Variants in ITFG1 observed in about 807,000 individuals in gnomAD.
The protein encoded by ITFG1 is integrin alpha FG-GAP repeat containing 1, also known as T-cell immunomodulatory protein.
ITFG1 carries 34 observed loss-of-function variants against 81.8 expected under a neutral mutation model. That is an observed-to-expected ratio of 0.42 (90% CI 0.32 to 0.55). ITFG1 has a LOEUF of 0.55. Ranked by LOEUF, ITFG1 falls within the 20% of genes least tolerant of loss-of-function variation. The probability of loss-of-function intolerance (pLI) is 0.17; values close to 1 mark genes in which losing one functional copy is unlikely to be tolerated. For synonymous variants in ITFG1, 285 were observed against 270.6 expected, an observed-to-expected ratio of 1.05 and a Z score of -0.52; for missense variants, 672 against 755.4, an observed-to-expected ratio of 0.89 and a Z score of 1.29.
At chr16:47,237,459 C>T (rs1330651799) in intron 13 of ITFG1, among the ~76,000 whole-genome samples, 1 of 152,204 alleles carries the variant, frequency 6.6e-6, no homozygotes, top group Admixed American at 6.5e-5. Flanking sequence ...ATTCTTATTA[C>T]AGTTTACATG....
rs188871742 is a variant in ITFG1, at chr16:47,309,884, G to T, written c.1070+1356C>A. Among the ~76,000 whole-genome samples, 636 of 152,280 alleles carry T rather than the reference G, an allele frequency of 4.2e-3. 4 individuals are homozygous for T. Among genetic ancestry groups the T allele is most frequent in the Non-Finnish European group, 7.3e-3 (497 of 68,028 alleles). ...ATATTCTAAGGATGAGTAATCACAG[G>T]ATTAAATGAATTTAAAATGTAATTT... On this transcript the variant is annotated intron_variant, in intron 10 of 17. Coordinates refer to ENST00000320640, the MANE Select transcript of ITFG1 (RefSeq NM_030790.5).
Position 47,169,647 on chromosome 16 carries a change from C to T in ITFG1, c.1454-6983G>A, listed in dbSNP as rs542402194. On this transcript the variant is annotated intron_variant, in intron 14 of 17. Transcript: ENST00000320640. ...TCACCTGCAAATAGAAATCATTTTG[C>T]ATGTTCCTAATTTAGAAGATTTTTA... 8.5e-5 allele frequency among the ~76,000 whole-genome samples: 13 copies of T among 152,200 alleles called. 1 individual carries two copies. Among genetic ancestry groups the T allele is most frequent in the African/African-American group, 2.9e-4 (12 of 41,538 alleles).
At chr16:47,311,587 GA>G (rs5816574) in intron 9 of ITFG1, among the ~76,000 whole-genome samples, 175 bp from the exon 10 acceptor site, 26 of 148,566 alleles carry the variant, frequency 1.8e-4, no homozygotes, top group Admixed American at 1.1e-3. Flanking sequence ...GACACTCTGG[GA>G]AAAAAAAAAG....
rs371595663 is a variant in ITFG1, at chr16:47,311,664, T to C, written c.898-252A>G. 3.3e-5 allele frequency among the ~76,000 whole-genome samples: 5 copies of C among 152,306 alleles called. No homozygotes were observed. In the East Asian group the frequency reaches 9.6e-4, roughly 29 times the overall value. On this transcript the variant is annotated intron_variant, in intron 9 of 17. Transcript: ENST00000320640. Reference sequence around the variant, plus strand: ...CTGGCACAGAAAGCCTTAGAAAGTTTTTCACAATACCACATGAATCTTAGG... The same window carrying C: ...CTGGCACAGAAAGCCTTAGAAAGTTCTTCACAATACCACATGAATCTTAGG...
At position 47,356,874 on chromosome 16, in the gene ITFG1, A is replaced by G. The variant is rs556604205; in HGVS notation, c.802+8914T>C. ...TAGGAGTGGCATTAGGCTCTTCATAATGAGCTCCTATGCCACTCTGACTCA... is the reference window on the plus strand; with the variant it reads ...TAGGAGTGGCATTAGGCTCTTCATAGTGAGCTCCTATGCCACTCTGACTCA... On this transcript the variant is annotated intron_variant, in intron 8 of 17. Coordinates refer to ENST00000320640, the MANE Select transcript of ITFG1 (RefSeq NM_030790.5). 2.6e-5 allele frequency among the ~76,000 whole-genome samples: 4 copies of G among 152,300 alleles called. No homozygotes were observed. In the East Asian group the frequency reaches 7.7e-4, roughly 29 times the overall value.
intron 5 of ITFG1, among the ~76,000 whole-genome samples, chr16:47,437,650 C>G (rs540515574): frequency 6.6e-6 from 1 of 152,194 alleles, no homozygotes; most frequent in Non-Finnish European, 1.5e-5. Flanking sequence ...AGCATACTCA[C>G]TGTCTCATTC....
intron 6 of ITFG1, among the ~76,000 whole-genome samples, chr16:47,389,035 C>T (rs188058491): frequency 6.6e-6 from 1 of 152,278 alleles, no homozygotes; most frequent in Non-Finnish European, 1.5e-5. Flanking sequence ...TTAGCTCCCA[C>T]CTTAAGATGT....
At chr16:47,176,364 ATTT>A (rs758913745) in intron 14 of ITFG1, among the ~76,000 whole-genome samples, 3 of 150,348 alleles carry the variant, frequency 2.0e-5, no homozygotes, top group Non-Finnish European at 4.4e-5. Flanking sequence ...ATAAAAGACA[ATTT>A]TTTTTTTGTG....
intron 8 of ITFG1, among the ~76,000 whole-genome samples, chr16:47,324,731 C>CA (rs762354795): frequency 2.6e-4 from 39 of 152,092 alleles, no homozygotes; most frequent in Non-Finnish European, 4.3e-4. Context: ...TCAAAAGAGA[C>CA]AAAGAAGGCC....
chr16:47,252,487 G>T (rs1028817059), intron 12 of ITFG1, among the ~76,000 whole-genome samples: 2 of 152,222 alleles, frequency 1.3e-5, no homozygotes, highest in Admixed American at 6.5e-5. Context: ...TTAGAAATGA[G>T]TTAAGTTCTA....
chr16:47,411,180 C>T (rs1237656262), intron 6 of ITFG1, among the ~76,000 whole-genome samples: 2 of 152,158 alleles, frequency 1.3e-5, no homozygotes, highest in South Asian at 2.1e-4. Context: ...GGAGGAGCTC[C>T]ACTCTCAGAA....
chr16:47,234,863 A>G (rs1965856421), intron 13 of ITFG1, among the ~76,000 whole-genome samples: 1 of 152,168 alleles, frequency 6.6e-6, no homozygotes, highest in Non-Finnish European at 1.5e-5. Context: ...GAATCACAGG[A>G]GCGGTTTCCC....
rs183686883 is a variant in ITFG1, at chr16:47,231,321, T to C, written c.1374+6644A>G. Reference sequence around the variant, plus strand: ...TACCAAGTCACAGAGAAAAACGCCATTATTTCCACTGACATAGTGAAAGGT... The same window carrying C: ...TACCAAGTCACAGAGAAAAACGCCACTATTTCCACTGACATAGTGAAAGGT... On this transcript the variant is annotated intron_variant, in intron 13 of 17. Transcript: ENST00000320640. 3.9e-5 allele frequency among the ~76,000 whole-genome samples: 6 copies of C among 152,324 alleles called. No individual in the cohort carries two copies. The East Asian group carries it at 9.6e-4, about 24-fold the overall frequency.
intron 10 of ITFG1, among the ~76,000 whole-genome samples, chr16:47,267,264 G>A (rs183548112): frequency 1.3e-5 from 2 of 152,252 alleles, no homozygotes. Context: ...AAGAAAGCTG[G>A]AGTGACAATA....
chr16:47,375,571 T>C (rs371864590), intron 7 of ITFG1, among the ~76,000 whole-genome samples: 1 of 152,292 alleles, frequency 6.6e-6, no homozygotes, highest in Admixed American at 6.5e-5. Flanking sequence ...GCTGACAAAT[T>C]AAATGACAGT....
At chr16:47,282,953 T>C (rs1464176411) in intron 10 of ITFG1, among the ~76,000 whole-genome samples, 3 of 152,136 alleles carry the variant, frequency 2.0e-5, no homozygotes, top group Admixed American at 1.3e-4. Flanking sequence ...TCTTGCTGAG[T>C]TGAATTCCTT....
At chr16:47,245,330 C>T (rs1295286705) in intron 12 of ITFG1, among the ~76,000 whole-genome samples, 1 of 150,604 alleles carries the variant, frequency 6.6e-6, no homozygotes, top group Non-Finnish European at 1.5e-5. Context: ...GCATGGGCAA[C>T]AAGAGCAAAA....
chr16:47,235,710 G>A (rs1013683941), intron 13 of ITFG1, among the ~76,000 whole-genome samples: 1 of 152,136 alleles, frequency 6.6e-6, no homozygotes, highest in Admixed American at 6.5e-5. Flanking sequence ...TATATGGGAT[G>A]TATATTTTCT....
chr16:47,183,366 ACTTAAATGT>A (rs1965159826), intron 14 of ITFG1, among the ~76,000 whole-genome samples: 1 of 152,166 alleles, frequency 6.6e-6, no homozygotes, highest in Non-Finnish European at 1.5e-5. Flanking sequence ...ACCTCTGCAG[ACTTAAATGT>A]CCCTGTCTGA....
Sources: allele counts gnomAD v4.1 joint callset (sites outside exome capture counted in the v4.1 genomes callset), GRCh38; gene constraint gnomAD v4.1.1; transcripts MANE v1.5; gene names NCBI Gene and HGNC (gene_info 2026-07-23, HGNC 2026-07-21).